CPQ: variants seen among roughly 807,000 people sequenced by gnomAD.
CPQ encodes the protein carboxypeptidase Q.
CPQ carries 37 observed loss-of-function variants against 45.7 expected under a neutral mutation model. The ratio of observed to expected loss-of-function variants is 0.81; its 90% CI spans 0.62 to 1.07. CPQ has a LOEUF of 1.07. CPQ is among the 50% of genes least tolerant of loss of function. CPQ has a pLI of 0.00. For missense variants in CPQ, 537 were observed against 572.9 expected (o/e 0.94, Z 0.64); for synonymous variants, 186 against 205.8 (o/e 0.90, Z 0.82).
intron 4 of CPQ, among the ~76,000 whole-genome samples, chr8:96,890,331 G>A (rs373181505): frequency 1.5e-4 from 23 of 152,350 alleles, no homozygotes; most frequent in African/African-American, 5.5e-4. Flanking sequence ...TCACGTGGTT[G>A]TAGCTGGTAT....
intron 1 of CPQ, among the ~76,000 whole-genome samples, chr8:96,778,863 G>A (rs779219584): frequency 3.9e-5 from 6 of 152,020 alleles, no homozygotes; most frequent in South Asian, 2.1e-4. Context: ...TCAGGAGATC[G>A]AGATCAGCCT....
chr8:97,028,349 C>G (rs1045962053), intron 5 of CPQ, among the ~76,000 whole-genome samples: 23 of 152,184 alleles, frequency 1.5e-4, no homozygotes, highest in Non-Finnish European at 2.5e-4. Flanking sequence ...CTGGCTCCTT[C>G]AAAAGCCACA....
In CPQ at chr8:97,131,272, A is replaced by G. The variant is rs879614826; in HGVS notation, c.1256-11748A>G. Among the ~76,000 whole-genome samples, 6 of 152,212 alleles carry G rather than the reference A, an allele frequency of 3.9e-5. 1 individual carries two copies. Among genetic ancestry groups the G allele is most frequent in the Admixed American group, 1.3e-4 (2 of 15,284 alleles). The stretch of plus-strand genomic sequence containing the variant: ...AGACACACTTATTTTGGATAAATCC[A>G]TACTGTCTGACACATAAGCAAATAT... On this transcript the variant is annotated intron_variant, in intron 7 of 7. Transcript: ENST00000220763.
At chr8:96,962,588 T>C (rs1240139245) in intron 4 of CPQ, among the ~76,000 whole-genome samples, 1 of 152,216 alleles carries the variant, frequency 6.6e-6, no homozygotes, top group African/African-American at 2.4e-5. Context: ...CTAACTCAGA[T>C]CCAAGTTTAT....
chr8:96,923,150 G>A (rs1812831093), intron 4 of CPQ, among the ~76,000 whole-genome samples: 1 of 152,148 alleles, frequency 6.6e-6, no homozygotes, highest in South Asian at 2.1e-4. Flanking sequence ...CTTGAGCCAG[G>A]AGTCAGTAGA....
intron 5 of CPQ, among the ~76,000 whole-genome samples, chr8:96,974,120 G>A (rs76642397): frequency 1.3e-5 from 2 of 152,236 alleles, no homozygotes; most frequent in East Asian, 3.9e-4. Flanking sequence ...GCTGTCTTCA[G>A]GAGACTACTC....
At chr8:96,749,213 CT>C (rs1252255832) in intron 1 of CPQ, among the ~76,000 whole-genome samples, 1 of 152,084 alleles carries the variant, frequency 6.6e-6, no homozygotes, top group Non-Finnish European at 1.5e-5. Flanking sequence ...TCCGTCTTAC[CT>C]TTATTCTGTA....
At chr8:96,955,858 T>C (rs1813348584) in intron 4 of CPQ, among the ~76,000 whole-genome samples, 1 of 152,144 alleles carries the variant, frequency 6.6e-6, no homozygotes, top group Non-Finnish European at 1.5e-5. Context: ...CCTTACACCT[T>C]ATACAAAAAT....
chr8:96,707,558 G>A (rs1407381098), intron 1 of CPQ, among the ~76,000 whole-genome samples: 1 of 151,992 alleles, frequency 6.6e-6, no homozygotes, highest in Non-Finnish European at 1.5e-5. Flanking sequence ...GCCCAGGGAA[G>A]CCGAAAGTTG....
intron 2 of CPQ, among the ~76,000 whole-genome samples, chr8:96,790,466 T>C (rs1810832067): frequency 6.6e-6 from 1 of 152,164 alleles, no homozygotes; most frequent in African/African-American, 2.4e-5. Flanking sequence ...GGTAGAGGAA[T>C]GGCACCTCAG....
chr8:97,123,002 T>TATAAAATAAAATAAAATAAAATAA, intron 7 of CPQ, among the ~76,000 whole-genome samples: 1 of 15,222 alleles, frequency 6.6e-5, no homozygotes, highest in East Asian at 2.3e-3. Context: ...TAAAATAAAA[T>TATAAAATAAAATAAAATAAAATAA]ATAAAATAAA....
intron 1 of CPQ, among the ~76,000 whole-genome samples, chr8:96,682,012 TA>T (rs1396753833): frequency 1.3e-5 from 2 of 152,248 alleles, no homozygotes; most frequent in African/African-American, 4.8e-5. Flanking sequence ...CTTTTGATTT[TA>T]CAGGCTCATA....
At chr8:97,073,837 C>G (rs1210231574) in intron 7 of CPQ, among the ~76,000 whole-genome samples, 1 of 152,208 alleles carries the variant, frequency 6.6e-6, no homozygotes, top group East Asian at 1.9e-4. Context: ...CCTCTTACCT[C>G]TTTAATTCAG....
chr8:96,838,175 A>G (rs1487033715), intron 3 of CPQ, among the ~76,000 whole-genome samples: 1 of 152,152 alleles, frequency 6.6e-6, no homozygotes, highest in Non-Finnish European at 1.5e-5. Context: ...TCTGTATCAT[A>G]ATGTCTTGGA....
chr8:97,044,354 T>C (rs1166318219), intron 6 of CPQ, among the ~76,000 whole-genome samples: 1 of 152,246 alleles, frequency 6.6e-6, no homozygotes, highest in Non-Finnish European at 1.5e-5. Context: ...TAAGCACTTC[T>C]CTGTATTGGT....
intron 6 of CPQ, among the ~76,000 whole-genome samples, chr8:97,047,831 T>C (rs73281762): frequency 0.032 from 4,948 of 152,296 alleles, 266 homozygotes; most frequent in African/African-American, 0.11. Context: ...AAAGACTGCG[T>C]TCAGAGCGGA....
intron 6 of CPQ, among the ~76,000 whole-genome samples, chr8:97,037,615 G>A (rs1563561470): frequency 6.6e-6 from 1 of 152,128 alleles, no homozygotes; most frequent in East Asian, 1.9e-4. Context: ...TTGGTCTGGA[G>A]CCTTTGTAGT....
intron 1 of CPQ, among the ~76,000 whole-genome samples, chr8:96,782,662 C>G (rs755227115): frequency 6.6e-6 from 1 of 152,140 alleles, no homozygotes; most frequent in Non-Finnish European, 1.5e-5. Flanking sequence ...CATGGCCAGG[C>G]TGTGAATTTT....
intron 1 of CPQ, among the ~76,000 whole-genome samples, chr8:96,739,020 C>T (rs1810038178): frequency 6.6e-6 from 1 of 151,406 alleles, no homozygotes; most frequent in Non-Finnish European, 1.5e-5. Flanking sequence ...GTTCTAGATC[C>T]CTGAGGAATC....
Sources: allele counts gnomAD v4.1 joint callset (sites outside exome capture counted in the v4.1 genomes callset), GRCh38; gene constraint gnomAD v4.1.1; transcripts MANE v1.5; gene names NCBI Gene and HGNC (gene_info 2026-07-23, HGNC 2026-07-21).